The following GADL1 variants were observed in gnomAD, a reference collection of about 807,000 sequenced individuals.
GADL1 encodes the protein acidic amino acid decarboxylase GADL1.
In GADL1, 71 loss-of-function variants were observed where a neutral mutation model predicts 69.5. The observed-to-expected ratio is 1.02, with a 90% confidence interval of 0.84 to 1.25. GADL1 has a LOEUF of 1.25. Among genes scored for constraint, GADL1 ranks in the 50% most tolerant of loss-of-function variants. GADL1 has a pLI of 0.00. For missense variants in GADL1, 737 were observed against 631.8 expected, an observed-to-expected ratio of 1.17 and a Z score of -1.79; for synonymous variants, 254 against 214.4, an observed-to-expected ratio of 1.18 and a Z score of -1.62.
At chr3:30,790,499 AAC>A (rs1425442609) in intron 12 of GADL1, among the ~76,000 whole-genome samples, 2 of 152,182 alleles carry the variant, frequency 1.3e-5, no homozygotes, top group Non-Finnish European at 2.9e-5. Flanking sequence ...AAACCCCCAA[AAC>A]ACAATATCTG....
At chr3:30,741,206 G>T (rs1695621677) in intron 14 of GADL1, among the ~76,000 whole-genome samples, 3 of 146,800 alleles carry the variant, frequency 2.0e-5, no homozygotes, top group African/African-American at 7.5e-5. Context: ...GTGTGTGTGT[G>T]TGTGTGTGTG....
intron 11 of GADL1, among the ~76,000 whole-genome samples, chr3:30,816,220 C>G (rs1372638959): frequency 6.6e-6 from 1 of 151,948 alleles, no homozygotes; most frequent in African/African-American, 2.4e-5. Context: ...CCTAATGCAT[C>G]CTGGAAAAGC....
intron 14 of GADL1, among the ~76,000 whole-genome samples, chr3:30,770,704 G>GCTCAGC (rs1553637699): frequency 6.6e-6 from 1 of 152,142 alleles, no homozygotes; most frequent in Non-Finnish European, 1.5e-5. Flanking sequence ...AGGCCCGTGA[G>GCTCAGC]CTCAGCCTCA....
intron 12 of GADL1, among the ~76,000 whole-genome samples, chr3:30,787,916 C>A (rs1218864923): frequency 6.6e-6 from 1 of 152,048 alleles, no homozygotes; most frequent in East Asian, 1.9e-4. Context: ...CAAATTTATA[C>A]AGCTTTTTAT....
intron 3 of GADL1, among the ~76,000 whole-genome samples, chr3:30,855,793 C>T (rs1698221892): frequency 6.6e-6 from 1 of 151,486 alleles, no homozygotes; most frequent in Admixed American, 6.6e-5. Context: ...ATTTGGTGAC[C>T]TCTCATTACA....
rs1695400214 is a variant in GADL1 at position 30,728,317 on chromosome 3, C to A, written c.1491G>T (p.Val497=). The A allele has an allele frequency of 6.2e-7, 1 of 1,613,914 alleles. No homozygotes were observed. Among genetic ancestry groups the A allele is most frequent in the Non-Finnish European group, 8.5e-7 (1 of 1,179,838 alleles). The change falls in exon 15 of 15, where the codon GTG becomes GTT. Residue 497 remains valine (V), a synonymous_variant. Coordinates refer to ENST00000282538, the MANE Select transcript of GADL1 (RefSeq NM_207359.3). Reference sequence around the variant, plus strand: ...CCTCCCGGCTCACTTGAGGGCTGATCACCACCTGGCGGAAGAAGTTGACCT... The same window carrying A: ...CCTCCCGGCTCACTTGAGGGCTGATAACCACCTGGCGGAAGAAGTTGACCT... ...RGKVNFFRQV[V]ISPQVSREDM...
chr3:30,839,529 G>GAAAAAAAAAAAAATA (rs1491390714), intron 8 of GADL1, among the ~76,000 whole-genome samples: 3 of 133,804 alleles, frequency 2.2e-5, no homozygotes, highest in East Asian at 2.3e-4. Context: ...AAAAAAAAAG[G>GAAAAAAAAAAAAATA]TTGGAAGACA....
At chr3:30,839,576 A>C (rs1697933996) in intron 8 of GADL1, among the ~76,000 whole-genome samples, 1 of 150,868 alleles carries the variant, frequency 6.6e-6, no homozygotes, top group South Asian at 2.1e-4. Flanking sequence ...CTGTTTGCTC[A>C]TCTCCTTGTA....
intron 14 of GADL1, among the ~76,000 whole-genome samples, chr3:30,758,622 G>A (rs931861847): frequency 1.3e-5 from 2 of 152,146 alleles, no homozygotes; most frequent in Admixed American, 1.3e-4. Flanking sequence ...ATATAAATGT[G>A]GACCTTCTAC....
At chr3:30,762,130 G>GA (rs1696152108) in intron 14 of GADL1, among the ~76,000 whole-genome samples, 1 of 152,128 alleles carries the variant, frequency 6.6e-6, no homozygotes. Context: ...AAGGCAGCAG[G>GA]AAAGTCTTTA....
intron 4 of GADL1, among the ~76,000 whole-genome samples, chr3:30,852,585 G>GA (rs1698165524): frequency 6.6e-6 from 1 of 151,162 alleles, no homozygotes; most frequent in African/African-American, 2.4e-5. Context: ...CAAAAAGTAT[G>GA]AAAAAAGCAT....
At chr3:30,844,297 G>T in intron 7 of GADL1, 33 bp from the exon 8 acceptor site, 2 of 1,593,798 alleles carry the variant, frequency 1.3e-6, no homozygotes, top group South Asian at 1.1e-5. Context: ...TTTCAGTTAT[G>T]TTTAGTAATT....
At chr3:30,762,778 ATCTT>A (rs1341261910) in intron 14 of GADL1, among the ~76,000 whole-genome samples, 1 of 152,080 alleles carries the variant, frequency 6.6e-6, no homozygotes, top group Non-Finnish European at 1.5e-5. Context: ...TCTGGTAACT[ATCTT>A]TCTAGTCTCA....
chr3:30,787,689 A>G (rs1208076842), intron 12 of GADL1, among the ~76,000 whole-genome samples: 1 of 152,198 alleles, frequency 6.6e-6, no homozygotes, highest in Non-Finnish European at 1.5e-5. Context: ...TAAATATTCA[A>G]CTAATATTTA....
At chr3:30,849,143 G>GAGC (rs2125531233) in intron 6 of GADL1, among the ~76,000 whole-genome samples, 1 of 152,224 alleles carries the variant, frequency 6.6e-6, no homozygotes, top group South Asian at 2.1e-4. Flanking sequence ...GAGACATAAG[G>GAGC]AGCAGAGAGG....
intron 14 of GADL1, among the ~76,000 whole-genome samples, chr3:30,734,319 A>G (rs548602408): frequency 3.9e-5 from 6 of 152,338 alleles, no homozygotes; most frequent in African/African-American, 1.4e-4. Context: ...TGTCTCATAC[A>G]AATACTTCTT....
At chr3:30,872,934 T>C (rs539537853) in intron 1 of GADL1, among the ~76,000 whole-genome samples, 1 of 152,068 alleles carries the variant, frequency 6.6e-6, no homozygotes, top group South Asian at 2.1e-4. Context: ...CTCTCATCTA[T>C]TTACACTGTT....
At chr3:30,848,523 C>T (rs115750905) in intron 6 of GADL1, among the ~76,000 whole-genome samples, 2,138 of 151,764 alleles carry the variant, frequency 0.014, 33 homozygotes, top group Non-Finnish European at 0.021. Flanking sequence ...TTATTTTGTC[C>T]ACTTCATGTT....
chr3:30,807,345 A>C (rs1697273035), intron 11 of GADL1, among the ~76,000 whole-genome samples: 1 of 152,148 alleles, frequency 6.6e-6, no homozygotes. Flanking sequence ...CTTCCTTTTT[A>C]ATGGAATGTA....
Sources: gnomAD v4.1 joint callset for allele counts (sites outside exome capture counted in the v4.1 genomes callset) on GRCh38, gnomAD v4.1.1 for gene constraint, MANE v1.5 for transcripts, NCBI Gene and HGNC (gene_info 2026-07-23, HGNC 2026-07-21) for gene names.